The following SAE1 variants were observed in gnomAD, a reference collection of about 807,000 sequenced individuals.
The protein encoded by SAE1 is SUMO-activating enzyme subunit 1.
SAE1 carries 11 observed loss-of-function variants against 40.6 expected under a neutral mutation model. That is an observed-to-expected ratio of 0.27 (90% CI 0.17 to 0.45). SAE1 has a LOEUF of 0.45. Ranked by LOEUF, SAE1 falls within the 20% of genes least tolerant of loss-of-function variation. SAE1 has a pLI of 1.00. For missense variants in SAE1, 373 were observed against 427.3 expected (o/e 0.87, Z 1.12); for synonymous variants, 155 against 154.3 (o/e 1.00, Z -0.03).
chr19:47,189,358 C>G (rs918960034), intron 6 of SAE1, among the ~76,000 whole-genome samples: 8 of 152,012 alleles, frequency 5.3e-5, no homozygotes, highest in African/African-American at 9.7e-5. Flanking sequence ...GAATTTGAGA[C>G]CAGCCTGACC....
Position 47,209,530 on chromosome 19 carries a change from C to T in SAE1, c.*279C>T, listed in dbSNP as rs1451883932. The T allele has an allele frequency of 1.1e-5, 6 of 557,228 alleles. No homozygotes were observed. The highest frequency in any genetic ancestry group is 9.5e-5 in the African/African-American group (5 of 52,842). 34.5% of individuals were successfully genotyped at this position (557,228 alleles called of 1,614,324 possible). On this transcript the variant is annotated 3_prime_UTR_variant, in exon 9 of 9. Transcript: ENST00000270225. ...CCCCTGAGTGATGAGCACTTCCAAG[C>T]ACCCCTCTGCCCTTTCTCTGTCCTT...
intron 3 of SAE1, among the ~76,000 whole-genome samples, chr19:47,152,452 A>AG (rs1568590177): frequency 6.6e-6 from 1 of 152,228 alleles, no homozygotes; most frequent in Non-Finnish European, 1.5e-5. Flanking sequence ...AATCAAAAGG[A>AG]GGGGGGTAAA....
At chr19:47,194,060 C>T (rs1345045469) in intron 6 of SAE1, among the ~76,000 whole-genome samples, 3 of 152,128 alleles carry the variant, frequency 2.0e-5, no homozygotes, top group East Asian at 1.9e-4. Context: ...CATTTCTGAA[C>T]GTCTCCCAGG....
At position 47,172,171 on chromosome 19, in the gene SAE1, G is replaced by A. The variant is rs151037365; in HGVS notation, c.733+2248G>A. 7.2e-3 allele frequency among the ~76,000 whole-genome samples: 1,092 copies of A among 152,130 alleles called. 11 individuals carry two copies. Among genetic ancestry groups the A allele is most frequent in the African/African-American group, 0.025 (1,054 of 41,504 alleles). ...CAACCTCAGATGATCCACCTGCCTC[G>A]GCCTCCCGAAGTGCTGGGATTACAG... On this transcript the variant is annotated intron_variant, in intron 6 of 8. Coordinates refer to ENST00000270225, the MANE Select transcript of SAE1 (RefSeq NM_005500.3).
chr19:47,155,276 G>T (rs565790333), intron 5 of SAE1, 63 bp downstream of exon 5: 10 of 1,117,934 alleles, frequency 8.9e-6, no homozygotes, highest in Non-Finnish European at 1.2e-5. Flanking sequence ...AGGCAATGAC[G>T]ATTGAAAAGG....
chr19:47,156,229 C>T (rs2058323795), intron 5 of SAE1, among the ~76,000 whole-genome samples: 1 of 151,084 alleles, frequency 6.6e-6, no homozygotes, highest in Admixed American at 6.6e-5. Context: ...CATGGTCACA[C>T]CACTGCACCC....
chr19:47,139,317 C>G (rs1340298859), intron 1 of SAE1, among the ~76,000 whole-genome samples: 1 of 151,950 alleles, frequency 6.6e-6, no homozygotes, highest in African/African-American at 2.4e-5. Context: ...GCTGGGATTA[C>G]AGGCGTGAGT....
intron 6 of SAE1, among the ~76,000 whole-genome samples, chr19:47,195,517 T>C (rs549914431): frequency 6.6e-6 from 1 of 152,274 alleles, no homozygotes; most frequent in East Asian, 1.9e-4. Context: ...ATAGTTTTCA[T>C]AGTAAAGGAA....
chr19:47,166,583 T>C (rs188340239), intron 5 of SAE1, among the ~76,000 whole-genome samples: 4 of 152,254 alleles, frequency 2.6e-5, no homozygotes, highest in African/African-American at 7.2e-5. Context: ...TTTCATCATA[T>C]AGTAGCCTAA....
chr19:47,182,799 C>T (rs952600723), intron 6 of SAE1, among the ~76,000 whole-genome samples: 2 of 152,158 alleles, frequency 1.3e-5, no homozygotes, highest in African/African-American at 4.8e-5. Context: ...TTACTGGTTA[C>T]AGGCGGGGTG....
At chr19:47,144,642 C>G (rs2547408) in intron 2 of SAE1, among the ~76,000 whole-genome samples, 1 of 150,502 alleles carries the variant, frequency 6.6e-6, no homozygotes, top group Non-Finnish European at 1.5e-5. Flanking sequence ...GAGCTTGCAA[C>G]GAGCCGAGAT....
intron 6 of SAE1, among the ~76,000 whole-genome samples, chr19:47,171,554 C>T (rs777009520): frequency 4.6e-5 from 7 of 151,914 alleles, no homozygotes; most frequent in Non-Finnish European, 8.8e-5. Flanking sequence ...CAGGTTCAAG[C>T]GATTCTCCTG....
chr19:47,200,988 G>C (rs983711956), intron 7 of SAE1, among the ~76,000 whole-genome samples: 1 of 151,736 alleles, frequency 6.6e-6, no homozygotes, highest in African/African-American at 2.4e-5. Context: ...CTCCTGAGTA[G>C]CTGGGATTAC....
chr19:47,152,812 A>T lies in SAE1; in HGVS notation c.385-86A>T, dbSNP rs543689048. 2.4e-4 allele frequency: 317 copies of T among 1,307,382 alleles called. 2 individuals are homozygous for T. Among genetic ancestry groups the T allele is most frequent in the Middle Eastern group, 1.1e-3 (4 of 3,772 alleles). The allele number at this position is 1,307,382 out of a possible 1,614,324, so 81.0% of individuals were successfully genotyped here. A position where few individuals can be genotyped will look rare whatever the true frequency, so the allele number is the denominator to read the frequency against. On this transcript the variant is annotated intron_variant, in intron 3 of 8. Coordinates refer to ENST00000270225, the MANE Select transcript of SAE1 (RefSeq NM_005500.3). ...ACATGCTTTGAGCATGCCCAGAGAG[A>T]CTGTTCATTAAGATTTATTTAGACA...
intron 1 of SAE1, among the ~76,000 whole-genome samples, chr19:47,137,705 G>T (rs1287590170): frequency 7.3e-5 from 1 of 13,694 alleles, no homozygotes; most frequent in Non-Finnish European, 2.9e-4. Flanking sequence ...TCAGCTGATT[G>T]TGTGTGTGTG....
Position 47,149,193 on chromosome 19 carries a change from C to T in SAE1, c.211-1009C>T, listed in dbSNP as rs1166246939. 8.6e-5 allele frequency among the ~76,000 whole-genome samples: 10 copies of T among 115,730 alleles called. No individual in the cohort carries two copies. In the South Asian group the frequency reaches 1.4e-3, roughly 16 times the overall value. 75.9% of individuals were successfully genotyped at this position (115,730 alleles called of 152,430 possible). On this transcript the variant is annotated intron_variant, in intron 2 of 8. Coordinates refer to ENST00000270225, the MANE Select transcript of SAE1 (RefSeq NM_005500.3). ...TTTTTTTTTTTTTTTTTTTTTGAGA[C>T]GGAGTCTTGCTCTGTTGCCCAGGCT...
At chr19:47,200,260 G>GTC (rs1266806866) in intron 7 of SAE1, among the ~76,000 whole-genome samples, 2 of 148,534 alleles carry the variant, frequency 1.3e-5, no homozygotes, top group African/African-American at 2.5e-5. Flanking sequence ...TTAAGATAGG[G>GTC]TCTCTCTCTG....
chr19:47,159,826 T>A (rs978347611), intron 5 of SAE1, among the ~76,000 whole-genome samples: 2 of 152,162 alleles, frequency 1.3e-5, no homozygotes, highest in Non-Finnish European at 2.9e-5. Flanking sequence ...CCGGAGTAGC[T>A]GGAACTGCCA....
intron 8 of SAE1, among the ~76,000 whole-genome samples, chr19:47,207,073 A>G (rs939038682): frequency 3.9e-5 from 6 of 152,124 alleles, no homozygotes; most frequent in African/African-American, 9.7e-5. Flanking sequence ...GCTTGAACCT[A>G]GAAGTTCAAG....
Sources: allele counts gnomAD v4.1 joint callset (sites outside exome capture counted in the v4.1 genomes callset), GRCh38; gene constraint gnomAD v4.1.1; transcripts MANE v1.5; gene names NCBI Gene and HGNC (gene_info 2026-07-23, HGNC 2026-07-21).